MYO16: variants seen among roughly 807,000 people sequenced by gnomAD.
MYO16 encodes myosin XVI.
In MYO16, 94 loss-of-function variants were observed where a neutral mutation model predicts 205.3. The observed-to-expected ratio is 0.46, with a 90% CI of 0.39 to 0.54. The LOEUF (loss-of-function observed/expected upper bound fraction) is 0.54, where lower values mean the gene tolerates loss of function less well. Among genes scored for constraint, MYO16 ranks in the 20% least tolerant of loss-of-function variants. The probability of loss-of-function intolerance (pLI) is 0.00; values close to 1 mark genes in which losing one functional copy is unlikely to be tolerated. For synonymous variants in MYO16, 988 were observed against 954.0 expected, an observed-to-expected ratio of 1.04 and a Z score of -0.66; for missense variants, 2,315 against 2,387.5, an observed-to-expected ratio of 0.97 and a Z score of 0.63.
intron 31 of MYO16, among the ~76,000 whole-genome samples, chr13:109,139,641 G>T (rs1487999900): frequency 6.6e-6 from 1 of 152,206 alleles, no homozygotes; most frequent in East Asian, 1.9e-4. Context: ...AGAAATTCTT[G>T]GCCCTTTTAA....
At chr13:108,644,720 A>C (rs1880676162) in intron 1 of MYO16, among the ~76,000 whole-genome samples, 1 of 152,106 alleles carries the variant, frequency 6.6e-6, no homozygotes, top group East Asian at 1.9e-4. Flanking sequence ...ATGACATTTC[A>C]AAAGTATATT....
At chr13:108,900,320 T>C (rs1357517194) in intron 15 of MYO16, among the ~76,000 whole-genome samples, 3 of 152,156 alleles carry the variant, frequency 2.0e-5, no homozygotes, top group Admixed American at 1.3e-4. Flanking sequence ...TTTAGCATAA[T>C]TAGCCCCACA....
At chr13:108,893,783 C>G (rs543643347) in intron 14 of MYO16, among the ~76,000 whole-genome samples, 5 of 152,058 alleles carry the variant, frequency 3.3e-5, no homozygotes, top group Non-Finnish European at 7.3e-5. Flanking sequence ...AGCACACAAA[C>G]TGTACATTCC....
In MYO16 at chr13:108,748,676, TATAA is replaced by T. The variant is rs760675655; in HGVS notation, c.507+21097_507+21100del. Among the ~76,000 whole-genome samples, 5 of 152,086 alleles carry T rather than the reference TATAA, an allele frequency of 3.3e-5. No individual in the cohort carries two copies. The East Asian group carries it at 5.8e-4, about 18-fold the overall frequency. On this transcript the variant is annotated intron_variant, in intron 4 of 34. Transcript: ENST00000457511. ...GGGAGAAAGCCCACAAGCAGACCGA[TATAA>T]ATATAGTCCAGTGATCATTGATGAA...
At chr13:108,613,000 G>A (rs1356434859) in intron 1 of MYO16, among the ~76,000 whole-genome samples, 2 of 152,092 alleles carry the variant, frequency 1.3e-5, no homozygotes, top group African/African-American at 4.8e-5. Flanking sequence ...ACGATATAGT[G>A]TTTAGGGAGT....
chr13:108,634,710 T>A (rs1331699613), intron 1 of MYO16, among the ~76,000 whole-genome samples: 2 of 152,218 alleles, frequency 1.3e-5, no homozygotes, highest in African/African-American at 4.8e-5. Context: ...TTCCTTAATT[T>A]CTGATGTGAT....
At chr13:108,863,843 G>A (rs577071914) in intron 11 of MYO16, among the ~76,000 whole-genome samples, 1 of 152,236 alleles carries the variant, frequency 6.6e-6, no homozygotes, top group African/African-American at 2.4e-5. Context: ...CATAGATTCA[G>A]CTCACTTTAT....
Position 109,140,505 on chromosome 13 carries a change from G to A in MYO16, c.4293G>A (p.Glu1431=), listed in dbSNP as rs1877002016. 2 of 1,550,868 alleles carry A rather than the reference G, an allele frequency of 1.3e-6. No individual in the cohort carries two copies. Among genetic ancestry groups the A allele is most frequent in the Non-Finnish European group, 1.7e-6 (2 of 1,156,886 alleles). Residue 1431 remains glutamate, a synonymous_variant, in exon 32 of 35, where the codon GAG becomes GAA. Transcript: ENST00000457511. This position sits in a 1 kb window ranked among gnomAD's most constrained non-coding sequence, Gnocchi z 8.0. ...AAPPGDEDDS[E]PVYIEMLGHA... is the part of the protein sequence containing the mutation. The stretch of plus-strand genomic sequence containing the variant: ...CTCCGGGTGACGAGGACGACAGCGA[G>A]CCTGTGTACATCGAGATGCTGGGGC...
At chr13:109,069,307 T>G (rs1308622727) in intron 27 of MYO16, among the ~76,000 whole-genome samples, 1 of 152,200 alleles carries the variant, frequency 6.6e-6, no homozygotes, top group East Asian at 1.9e-4. Context: ...AAATTTTGTA[T>G]GCATAAGTTA....
chr13:108,707,412 T>C (rs951311186), intron 2 of MYO16, among the ~76,000 whole-genome samples: 2 of 152,112 alleles, frequency 1.3e-5, no homozygotes, highest in African/African-American at 2.4e-5. Flanking sequence ...GACAGAACAA[T>C]TTGTATCTTT....
At chr13:108,787,497 A>G (rs1378948630) in intron 5 of MYO16, among the ~76,000 whole-genome samples, 1 of 152,242 alleles carries the variant, frequency 6.6e-6, no homozygotes, top group Non-Finnish European at 1.5e-5. Flanking sequence ...AAATGCATTC[A>G]CATTGCTTAT....
chr13:108,933,647 A>T (rs928660013), intron 16 of MYO16, among the ~76,000 whole-genome samples: 1 of 151,896 alleles, frequency 6.6e-6, no homozygotes, highest in Non-Finnish European at 1.5e-5. Context: ...AGGTTTTTTT[A>T]TCTGAGTATA....
the MYO16 span, among the ~76,000 whole-genome samples, chr13:108,554,848 TAAAAAAAAA>T: frequency 2.6e-5 from 2 of 77,964 alleles, no homozygotes; most frequent in African/African-American, 4.3e-5. Context: ...AGACTCTGAC[TAAAAAAAAA>T]AAAAAAAAAA....
intron 20 of MYO16, among the ~76,000 whole-genome samples, chr13:108,977,677 G>A (rs940348219): frequency 6.6e-6 from 1 of 152,014 alleles, no homozygotes; most frequent in Non-Finnish European, 1.5e-5. Flanking sequence ...TTGAATATTC[G>A]ATGATCCCTT....
At chr13:108,636,722 C>T (rs1415253528) in intron 1 of MYO16, among the ~76,000 whole-genome samples, 2 of 152,022 alleles carry the variant, frequency 1.3e-5, no homozygotes, top group Non-Finnish European at 2.9e-5. Flanking sequence ...TACAAATGCA[C>T]CCAGCGTTTC....
intron 10 of MYO16, chr13:108,855,206 G>A: frequency 2.7e-6 from 1 of 375,546 alleles, no homozygotes; most frequent in Non-Finnish European, 4.9e-6. Flanking sequence ...CAGACAGGGT[G>A]TGTGCACCTG....
intron 21 of MYO16, among the ~76,000 whole-genome samples, chr13:109,008,346 G>C (rs1199629473): frequency 2.0e-5 from 3 of 147,158 alleles, no homozygotes; most frequent in Non-Finnish European, 4.5e-5. Context: ...GTACTATCTT[G>C]TGTATGCACT....
chr13:108,620,041 T>C (rs1049991572), intron 1 of MYO16, among the ~76,000 whole-genome samples: 2 of 152,158 alleles, frequency 1.3e-5, no homozygotes, highest in African/African-American at 2.4e-5. Context: ...TGCTCCTTTA[T>C]GGCTGAATGA....
At chr13:109,027,989 AAC>A (rs1192966306) in intron 23 of MYO16, among the ~76,000 whole-genome samples, 3 of 152,274 alleles carry the variant, frequency 2.0e-5, no homozygotes, top group African/African-American at 7.2e-5. Context: ...GTTTAAAAAA[AAC>A]AGAGTCAATT....
Sources: gnomAD v4.1 joint callset for allele counts (sites outside exome capture counted in the v4.1 genomes callset) on GRCh38, gnomAD v4.1.1 for gene constraint, Gnocchi (gnomAD v3.1) non-coding constraint, MANE v1.5 for transcripts, NCBI Gene and HGNC (gene_info 2026-07-23, HGNC 2026-07-21) for gene names.